Variants in ANXA11 observed in about 807,000 individuals in gnomAD.
ANXA11 encodes the protein annexin A11.
In ANXA11, 57 loss-of-function variants were observed where a neutral mutation model predicts 64.7. That is an observed-to-expected ratio of 0.88 (90% CI 0.71 to 1.10). The LOEUF (loss-of-function observed/expected upper bound fraction) is 1.10, where lower values mean the gene tolerates loss of function less well. ANXA11 is among the 50% of genes least tolerant of loss of function. ANXA11 has a pLI of 0.00. For synonymous variants in ANXA11, 260 were observed against 265.2 expected, an observed-to-expected ratio of 0.98 and a Z score of 0.19; for missense variants, 675 against 670.7, an observed-to-expected ratio of 1.01 and a Z score of -0.07.
intron 4 of ANXA11, 92 bp from the exon 5 acceptor site, chr10:80,169,450 A>C: frequency 4.9e-6 from 7 of 1,417,760 alleles, no homozygotes; most frequent in Non-Finnish European, 6.8e-6. Flanking sequence ...GTCAGTCCTC[A>C]CAGCATCTCC....
chr10:80,185,150 G>A (rs1232306435), intron 1 of ANXA11, among the ~76,000 whole-genome samples: 1 of 152,194 alleles, frequency 6.6e-6, no homozygotes, highest in African/African-American at 2.4e-5. Context: ...CCCACCTGGT[G>A]CATGACAGTC....
intron 1 of ANXA11, among the ~76,000 whole-genome samples, chr10:80,188,900 C>T (rs1846655794): frequency 6.6e-6 from 1 of 152,118 alleles, no homozygotes; most frequent in African/African-American, 2.4e-5. Context: ...CCAGCCCACA[C>T]AGTGAGGGGA....
intron 3 of ANXA11, 85 bp from the exon 4 acceptor site, chr10:80,171,000 G>A (rs1465793938): frequency 6.6e-7 from 1 of 1,520,266 alleles, no homozygotes; most frequent in Admixed American, 2.2e-5. Context: ...CAGGTGGTCA[G>A]AAAGGGAGGC....
chr10:80,173,750 T>C (rs1012679114), intron 2 of ANXA11, among the ~76,000 whole-genome samples: 3 of 152,248 alleles, frequency 2.0e-5, no homozygotes, highest in African/African-American at 7.2e-5. Context: ...CAGGCGGACA[T>C]GTGAGGAAAC....
At chr10:80,189,117 T>C (rs1432935494) in intron 1 of ANXA11, among the ~76,000 whole-genome samples, 1 of 152,128 alleles carries the variant, frequency 6.6e-6, no homozygotes, top group Non-Finnish European at 1.5e-5. Flanking sequence ...CGCCATGAAA[T>C]GGGGAGACTA....
Position 80,167,323 on chromosome 10 carries a change from C to T in ANXA11, c.562-10G>A, listed in dbSNP as rs781346204. The T allele has an allele frequency of 3.1e-6, 5 of 1,613,680 alleles. No homozygotes were observed. The South Asian group carries it at 4.4e-5, about 14-fold the overall frequency. ...TGCCTCGGCTTCCAAACTACTCGGA[C>T]AAACAGTCTCAGGTAAGATGTCGTG... On this transcript the variant is annotated splice_polypyrimidine_tract_variant and intron_variant, in intron 5 of 15. Coordinates refer to ENST00000422982, the MANE Select transcript of ANXA11 (RefSeq NM_145868.2).
chr10:80,203,328 C>G (rs1436069528), intron 1 of ANXA11, among the ~76,000 whole-genome samples: 1 of 152,176 alleles, frequency 6.6e-6, no homozygotes, highest in Admixed American at 6.5e-5. Context: ...TCCTGGCCTT[C>G]TAGACACATC....
At chr10:80,171,852 G>A (rs979928957) in intron 3 of ANXA11, 4 of 985,378 alleles carry the variant, frequency 4.1e-6, no homozygotes, top group Non-Finnish European at 2.4e-6. Context: ...TTCTACTATA[G>A]AGAGAGAACC....
chr10:80,199,370 T>G (rs1255274534), intron 1 of ANXA11, among the ~76,000 whole-genome samples: 1 of 152,180 alleles, frequency 6.6e-6, no homozygotes, highest in Non-Finnish European at 1.5e-5. Context: ...GTGCTGGGAT[T>G]ACAGGCGTGA....
Position 80,155,599 on chromosome 10 carries a change from A to G in ANXA11, c.*254T>C, listed in dbSNP as rs978411620. 2.0e-6 allele frequency: 1 copy of G among 497,902 alleles called. No individual in the cohort carries two copies. The highest frequency in any genetic ancestry group is 1.9e-5 in the African/African-American group (1 of 51,994). The allele number at this position is 497,902 out of a possible 1,614,324, so 30.8% of individuals were successfully genotyped here. Reference sequence around the variant, plus strand: ...GCAAAGGGGAATGATTGCATGAGTCAGAAAAATGAAACATCTATTTTAGCA... The same window carrying G: ...GCAAAGGGGAATGATTGCATGAGTCGGAAAAATGAAACATCTATTTTAGCA... On this transcript the variant is annotated 3_prime_UTR_variant, in exon 16 of 16. Transcript: ENST00000422982.
chr10:80,152,221 G>A lies in ANXA11; in HGVS notation c.*3632C>T, dbSNP rs1274342983. 1 of 152,234 alleles carries A rather than the reference G, an allele frequency of 6.6e-6. No individual in the cohort carries two copies. Among genetic ancestry groups the A allele is most frequent in the Non-Finnish European group, 1.5e-5 (1 of 68,054 alleles). The allele number at this position is 152,234 out of a possible 1,614,324, so 9.4% of individuals were successfully genotyped here. On this transcript the variant is annotated 3_prime_UTR_variant, in exon 16 of 16. Transcript: ENST00000422982. Reference sequence around the variant, plus strand: ...CTTGACTAACATATCCAGGAGGCAGGAGAAGACCCATTGTGTTCTATCCCA... The same window carrying A: ...CTTGACTAACATATCCAGGAGGCAGAAGAAGACCCATTGTGTTCTATCCCA...
At chr10:80,171,152 T>G in intron 3 of ANXA11, 2 of 1,415,838 alleles carry the variant, frequency 1.4e-6, no homozygotes, top group Admixed American at 2.6e-5. Context: ...CCCCAAACAC[T>G]CCCAAGACCC....
chr10:80,173,195 G>A (rs1432335962), intron 2 of ANXA11, among the ~76,000 whole-genome samples: 1 of 152,254 alleles, frequency 6.6e-6, no homozygotes, highest in African/African-American at 2.4e-5. Context: ...TGGCAAGGGT[G>A]CAGTGCGCCT....
At chr10:80,160,154 T>C (rs891691433) in intron 12 of ANXA11, among the ~76,000 whole-genome samples, 1 of 152,254 alleles carries the variant, frequency 6.6e-6, no homozygotes, top group African/African-American at 2.4e-5. Context: ...TGTATCTGTC[T>C]CAATTAATAT....
chr10:80,181,922 A>G (rs1846369476), intron 1 of ANXA11, among the ~76,000 whole-genome samples: 1 of 152,226 alleles, frequency 6.6e-6, no homozygotes, highest in South Asian at 2.1e-4. Context: ...TGATCCAGCA[A>G]TCATGCTCTT....
chr10:80,179,903 T>G (rs566048697), intron 1 of ANXA11, among the ~76,000 whole-genome samples: 3 of 152,304 alleles, frequency 2.0e-5, no homozygotes, highest in African/African-American at 7.2e-5. Flanking sequence ...TGGCTCTGGG[T>G]CTCTTCTTCG....
rs369128848 is a variant in ANXA11, at chr10:80,202,768, G to A, written c.-58+2575C>T. Among the ~76,000 whole-genome samples the A allele has an allele frequency of 3.9e-5, 6 of 152,192 alleles. No homozygotes were observed. In the East Asian group the frequency reaches 5.8e-4, roughly 15 times the overall value. On this transcript the variant is annotated intron_variant, in intron 1 of 15. Transcript: ENST00000422982. ...AGTGGCTAAGAAGAGAGAGGAGGCC[G>A]GGCACGGTGACTCATGCCTGTAATC...
chr10:80,181,142 G>T (rs1846339901), intron 1 of ANXA11: 1 of 152,176 alleles, frequency 6.6e-6, no homozygotes, highest in South Asian at 2.1e-4. Flanking sequence ...AATCCCTGCT[G>T]ATATATTCTT....
chr10:80,155,933 G>T lies in ANXA11; in HGVS notation c.1459-21C>A, dbSNP rs765906318. 4 of 1,612,046 alleles carry T rather than the reference G, an allele frequency of 2.5e-6. No homozygotes were observed. In the South Asian group the frequency reaches 4.4e-5, roughly 18 times the overall value. On this transcript the variant is annotated intron_variant, in intron 15 of 15. Coordinates refer to ENST00000422982, the MANE Select transcript of ANXA11 (RefSeq NM_145868.2). ...TCTCCCTGGCCACAGAAACAAGGAAGACATCCGTTAAGGGAGGGACAGTCA... is the reference window on the plus strand; with the variant it reads ...TCTCCCTGGCCACAGAAACAAGGAATACATCCGTTAAGGGAGGGACAGTCA...
Sources: gnomAD v4.1 joint callset for allele counts (sites outside exome capture counted in the v4.1 genomes callset) on GRCh38, gnomAD v4.1.1 for gene constraint, MANE v1.5 for transcripts, NCBI Gene and HGNC (gene_info 2026-07-23, HGNC 2026-07-21) for gene names.